Variants in DNAH2 observed in about 807,000 individuals in gnomAD.
DNAH2 encodes dynein axonemal heavy chain 2, also known as axonemal beta dynein heavy chain 2.
Under a neutral mutation model 523.5 loss-of-function variants are expected in DNAH2, and 323 were observed. That is an observed-to-expected ratio of 0.62 (90% CI 0.56 to 0.68). The LOEUF (loss-of-function observed/expected upper bound fraction) is 0.68. Ranked by LOEUF, DNAH2 falls within the 30% of genes least tolerant of loss-of-function variation. The probability of loss-of-function intolerance (pLI) is 0.00; values close to 1 mark genes in which losing one functional copy is unlikely to be tolerated. For missense variants in DNAH2, 4,907 were observed against 5,701.5 expected, an observed-to-expected ratio of 0.86 and a Z score of 4.49; for synonymous variants, 2,093 against 2,177.4, an observed-to-expected ratio of 0.96 and a Z score of 1.08.
chr17:7,766,348 C>T lies in DNAH2; in HGVS notation c.3542C>T (p.Ser1181Phe). The change falls in exon 22 of 86, where the codon TCT becomes TTT. Residue 1181 changes from serine to phenylalanine, a missense_variant. Around this residue, in one of 3 missense-constraint regions of DNAH2, gnomAD observed 2,806 missense variants for 3,190.8 expected, o/e 0.88. Coordinates refer to ENST00000572933, the MANE Select transcript of DNAH2 (RefSeq NM_020877.5). ...TTCACCAGCAACGTGGGATACATGT[C>T]TGCCTTAGACCAGATTACACAAGTG... Reference protein sequence around the residue: ...GHFTSNVGYMSALDQITQVRA... With the variant: ...GHFTSNVGYMFALDQITQVRA... The T allele has an allele frequency of 6.2e-7, 1 of 1,613,686 alleles. No individual in the cohort carries two copies. Among genetic ancestry groups the T allele is most frequent in the Non-Finnish European group, 8.5e-7 (1 of 1,179,800 alleles).
In DNAH2 at chr17:7,817,903, A is replaced by T; in HGVS notation, c.10237-43A>T. 1.9e-6 allele frequency: 3 copies of T among 1,612,862 alleles called. No individual in the cohort carries two copies. In the South Asian group the frequency reaches 3.3e-5, roughly 18 times the overall value. On this transcript the variant is annotated intron_variant, in intron 67 of 85. Transcript: ENST00000572933. ...TTAGCCCCCCCCTTCCTGAGGCCCC[A>T]CCTCTCCCGTAGTGTTCCTTCACCT... is the stretch of plus-strand genomic sequence containing the variant.
Position 7,821,544 on chromosome 17 carries a change from TG to T in DNAH2, c.11142+176del, listed in dbSNP as rs1434792444. On this transcript the variant is annotated intron_variant, in intron 73 of 85. Transcript: ENST00000572933. The surrounding 1 kb of genome is among the most constrained non-coding windows in gnomAD (Gnocchi z 5.0). Reference sequence around the variant, plus strand: ...GCTCCCTGGGGCTGCGGAGGTGACTTGCCATGCACCCCCTTGCACTCAGCGC... The same window carrying T: ...GCTCCCTGGGGCTGCGGAGGTGACTTCCATGCACCCCCTTGCACTCAGCGC... Among the ~76,000 whole-genome samples, 3 of 152,130 alleles carry T rather than the reference TG, an allele frequency of 2.0e-5. No homozygotes were observed. Among genetic ancestry groups the T allele is most frequent in the Non-Finnish European group, 4.4e-5 (3 of 68,022 alleles).
intron 18 of DNAH2, among the ~76,000 whole-genome samples, chr17:7,763,465 G>A (rs1299844797): frequency 6.6e-6 from 1 of 152,158 alleles, no homozygotes; most frequent in Non-Finnish European, 1.5e-5. Context: ...ATTTTTAGTA[G>A]AGATAAGGTT....
At chr17:7,761,157 G>T (rs1276872106) in intron 18 of DNAH2, among the ~76,000 whole-genome samples, 2 of 152,210 alleles carry the variant, frequency 1.3e-5, no homozygotes, top group African/African-American at 2.4e-5. Context: ...TCTAGGGGAG[G>T]ATGGCAGGGC....
chr17:7,807,225 G>C lies in DNAH2; in HGVS notation c.9518G>C (p.Gly3173Ala). Residue 3173 changes from glycine (G) to alanine (A), a missense_variant, in exon 62 of 86, where the codon GGG (glycine) becomes GCG (alanine). By Grantham distance (60) the Gly-to-Ala change is moderately conservative. Coordinates refer to ENST00000572933, the MANE Select transcript of DNAH2 (RefSeq NM_020877.5). This position sits in a 1 kb window ranked among gnomAD's most constrained non-coding sequence, Gnocchi z 5.6. ...TCAGATAAGGTTCTGAAGAAGATTG[G>C]GGCCTACTGCGCCCAGCCTGACTTC... The part of the protein sequence containing the change: ...NISDKVLKKI[G>A]AYCAQPDFQP... 1.9e-6 allele frequency: 3 copies of C among 1,613,682 alleles called. No homozygotes were observed. Among genetic ancestry groups the C allele is most frequent in the Non-Finnish European group, 2.5e-6 (3 of 1,180,032 alleles).
At chr17:7,806,320 G>T (rs1252328356) in intron 61 of DNAH2, among the ~76,000 whole-genome samples, 3 of 152,142 alleles carry the variant, frequency 2.0e-5, no homozygotes, top group South Asian at 4.1e-4. Context: ...AATGTATGAT[G>T]GGCTTATCGG....
chr17:7,810,285 G>C (rs2077477593), intron 63 of DNAH2, among the ~76,000 whole-genome samples: 1 of 151,972 alleles, frequency 6.6e-6, no homozygotes, highest in Non-Finnish European at 1.5e-5. Flanking sequence ...GTCTGGTCTT[G>C]AACTCGTGGG....
intron 28 of DNAH2, among the ~76,000 whole-genome samples, chr17:7,774,275 C>T (rs777249841): frequency 2.6e-5 from 4 of 152,052 alleles, no homozygotes; most frequent in Admixed American, 1.3e-4. Context: ...AAGTGACTCA[C>T]GGGCAGGGAA....
intron 18 of DNAH2, among the ~76,000 whole-genome samples, chr17:7,762,112 T>C (rs1597570996): frequency 6.6e-6 from 1 of 152,274 alleles, no homozygotes; most frequent in East Asian, 1.9e-4. Flanking sequence ...GATATTACAC[T>C]ACCTACCTTG....
In DNAH2 at chr17:7,773,978, C is replaced by T. The variant is rs188909907; in HGVS notation, c.4502-781C>T. 3.2e-3 allele frequency among the ~76,000 whole-genome samples: 481 copies of T among 152,254 alleles called. 3 individuals are homozygous for T. Among genetic ancestry groups the T allele is most frequent in the African/African-American group, 9.8e-3 (409 of 41,550 alleles). On this transcript the variant is annotated intron_variant, in intron 28 of 85. Transcript: ENST00000572933. ...CTCCTGACCTCAAGTGATCCACCCA[C>T]CTCAGCCTCCCAAAGTATTGGGATT...
At chr17:7,805,195 T>G in intron 60 of DNAH2, 57 bp from the exon 61 acceptor site, 2 of 1,604,202 alleles carry the variant, frequency 1.2e-6, no homozygotes, top group Non-Finnish European at 1.7e-6. Context: ...GCACCTCAGC[T>G]AGGTTCTGTC....
Position 7,773,094 on chromosome 17 carries a change from G to T in DNAH2, c.4501+1626G>T, listed in dbSNP as rs565809158. ...CAGCCTCACGTTGGTTTTTGAGATG[G>T]ATTTTATTGCCATTTTGTACACAAA... On this transcript the variant is annotated intron_variant, in intron 28 of 85. Transcript: ENST00000572933. Among the ~76,000 whole-genome samples, 3 of 152,238 alleles carry T rather than the reference G, an allele frequency of 2.0e-5. No individual in the cohort carries two copies. The East Asian group carries it at 5.8e-4, about 29-fold the overall frequency.
At chr17:7,739,690 T>A in intron 8 of DNAH2, 43 bp from the exon 9 acceptor site, 1 of 1,585,434 alleles carries the variant, frequency 6.3e-7, no homozygotes, top group Non-Finnish European at 8.6e-7. Context: ...GACTTTGGAG[T>A]TTGGAAGGAA....
chr17:7,793,447 T>TTCTCTTTCTTTCTTTCTTTC (rs774059490), intron 48 of DNAH2, among the ~76,000 whole-genome samples: 20 of 96,502 alleles, frequency 2.1e-4, no homozygotes, highest in Admixed American at 1.1e-3. Flanking sequence ...CTTTCTTTCT[T>TTCTCTTTCTTTCTTTCTTTC]TTTCTTTCTT....
intron 5 of DNAH2, 28 bp from the exon 6 acceptor site, chr17:7,734,155 C>T: frequency 6.4e-7 from 1 of 1,556,906 alleles, no homozygotes; most frequent in Non-Finnish European, 8.7e-7. Context: ...TCCCCTCTGT[C>T]CACTTCCACA....
Position 7,778,178 on chromosome 17 carries a change from C to T in DNAH2, c.5349C>T (p.Asp1783=), listed in dbSNP as rs770089335. 1 of 1,614,222 alleles carries T rather than the reference C, an allele frequency of 6.2e-7. No homozygotes were observed. Among genetic ancestry groups the T allele is most frequent in the South Asian group, 1.1e-5 (1 of 91,084 alleles). ...GGCTCGTCATCACCCCCCTGACGGACAGGTCTGCCATGTGGGATGAATGAG... is the reference window on the plus strand; with the variant it reads ...GGCTCGTCATCACCCCCCTGACGGATAGGTCTGCCATGTGGGATGAATGAG... The part of the protein sequence containing the change: ...SGRLVITPLT[D]RCYMTLTTAL... The change falls in exon 34 of 86, where the codon GAC becomes GAT. Residue 1783 remains aspartate (D), a splice_region_variant and synonymous_variant. Transcript: ENST00000572933.
chr17:7,809,142 T>C (rs1007180310), intron 63 of DNAH2, among the ~76,000 whole-genome samples: 9 of 152,314 alleles, frequency 5.9e-5, no homozygotes, highest in Non-Finnish European at 1.2e-4. Context: ...AATATTTATA[T>C]AATTGAAGCT....
Position 7,770,274 on chromosome 17 carries a change from G to T in DNAH2, c.3964G>T (p.Glu1322Ter). The change falls in exon 25 of 86, where the codon GAG becomes TAG. Residue 1322 changes from glutamate to a stop codon, truncating the protein, a stop_gained. Transcript: ENST00000572933. LOFTEE classifies it high-confidence loss of function. ...CAGGCACTGGGACCAGGTCCGGGAT[G>T]AGATCCAGCGGGAGTTTGATCAGGA... ...RERHWDQVRD[E>*]IQREFDQESE... 1.9e-6 allele frequency: 3 copies of T among 1,611,638 alleles called. No homozygotes were observed. The highest frequency in any genetic ancestry group is 2.5e-6 in the Non-Finnish European group (3 of 1,178,716).
At chr17:7,823,742 C>T (rs190040225) in intron 74 of DNAH2, 92 bp from the exon 75 acceptor site, 103 of 1,579,524 alleles carry the variant, frequency 6.5e-5, no homozygotes, top group Middle Eastern at 1.7e-4. Context: ...CCTCCTGGCC[C>T]GGAGCACATT....
Sources: gnomAD v4.1 joint callset for allele counts (sites outside exome capture counted in the v4.1 genomes callset) on GRCh38, gnomAD v4.1.1 for gene constraint, gnomAD v4.1.1 regional missense constraint, Gnocchi (gnomAD v3.1) non-coding constraint, MANE v1.5 for transcripts, NCBI Gene and HGNC (gene_info 2026-07-23, HGNC 2026-07-21) for gene names.